The following AXIN1 variants were observed in gnomAD, a reference collection of about 807,000 sequenced individuals.
The protein encoded by AXIN1 is axin 1, also known as axin-1.
AXIN1 carries 30 observed loss-of-function variants against 76.4 expected under a neutral mutation model. The observed-to-expected ratio is 0.39, with a 90% CI of 0.29 to 0.53. AXIN1 has a LOEUF of 0.53. Ranked by LOEUF, AXIN1 falls within the 20% of genes least tolerant of loss-of-function variation. The probability of loss-of-function intolerance (pLI) is 0.66; values close to 1 mark genes in which losing one functional copy is unlikely to be tolerated. For missense variants in AXIN1, 1,140 were observed against 1,198.8 expected (o/e 0.95, Z 0.72); for synonymous variants, 545 against 501.4 (o/e 1.09, Z -1.16).
intron 2 of AXIN1, among the ~76,000 whole-genome samples, chr16:344,440 A>AT (rs1432489167): frequency 6.6e-6 from 1 of 151,212 alleles, no homozygotes; most frequent in Admixed American, 6.6e-5. Context: ...AAAAAAAAAA[A>AT]AAAAATTAAC....
At chr16:303,191 A>G (rs2052920712) in intron 5 of AXIN1, among the ~76,000 whole-genome samples, 1 of 152,020 alleles carries the variant, frequency 6.6e-6, no homozygotes, top group Non-Finnish European at 1.5e-5. Flanking sequence ...TGAGACGACC[A>G]GGTGGGAAGG....
chr16:322,562 C>T (rs562376543), intron 2 of AXIN1, among the ~76,000 whole-genome samples: 157 of 152,318 alleles, frequency 1.0e-3, no homozygotes, highest in African/African-American at 3.8e-3. Flanking sequence ...ATCCTCCTCT[C>T]CAAAGCAAGT....
At chr16:314,450 C>G (rs2141591344) in intron 3 of AXIN1, 93 bp downstream of exon 3, 3 of 1,579,612 alleles carry the variant, frequency 1.9e-6, no homozygotes, top group Non-Finnish European at 2.6e-6. Flanking sequence ...TGGGGCAGGA[C>G]TTACACATTG....
intron 2 of AXIN1, among the ~76,000 whole-genome samples, chr16:323,236 G>T (rs1339632763): frequency 6.7e-6 from 1 of 150,218 alleles, no homozygotes; most frequent in Admixed American, 6.6e-5. Context: ...TCAGGAGATC[G>T]AGACCCTCCT....
chr16:304,481 T>C lies in AXIN1; in HGVS notation c.1117-40A>G, dbSNP rs1597017102. On this transcript the variant is annotated intron_variant, in intron 4 of 10. Coordinates refer to ENST00000262320, the MANE Select transcript of AXIN1 (RefSeq NM_003502.4). ...ACTGTGAGGCACGGGGGTTGAAAGG[T>C]CACAGGCTAAACATTTCTTTGTGAA... 8.1e-6 allele frequency: 13 copies of C among 1,612,058 alleles called. No homozygotes were observed. In the East Asian group the frequency reaches 2.9e-4, roughly 36 times the overall value.
intron 9 of AXIN1, 144 bp downstream of exon 9, chr16:291,046 G>A: frequency 2.6e-6 from 2 of 767,210 alleles, no homozygotes. Flanking sequence ...CGAGTCTGAT[G>A]CCACGGGACC....
At chr16:295,690 G>A (rs1434407690) in intron 7 of AXIN1, among the ~76,000 whole-genome samples, 1 of 152,154 alleles carries the variant, frequency 6.6e-6, no homozygotes, top group African/African-American at 2.4e-5. Flanking sequence ...GGCCGGGCAC[G>A]GTGGCTCACG....
chr16:326,394 T>TATATATATATATATATACAC (rs144093618), intron 2 of AXIN1, among the ~76,000 whole-genome samples: 1 of 119,660 alleles, frequency 8.4e-6, no homozygotes, highest in Non-Finnish European at 1.7e-5. Flanking sequence ...TATATATATA[T>TATATATATATATATATACAC]ACACACCTAT....
intron 1 of AXIN1, 98 bp from the exon 2 acceptor site, chr16:347,204 G>T: frequency 1.9e-6 from 2 of 1,052,210 alleles, no homozygotes; most frequent in Non-Finnish European, 2.7e-6. Flanking sequence ...ACGCCCTCCC[G>T]CTCAAACTCA....
chr16:295,839 C>T (rs561590964), intron 7 of AXIN1, among the ~76,000 whole-genome samples: 11 of 152,202 alleles, frequency 7.2e-5, no homozygotes, highest in East Asian at 1.9e-4. Flanking sequence ...TGGTGGCTCA[C>T]GCCTGTAATC....
chr16:328,569 G>C (rs1218846988), intron 2 of AXIN1, among the ~76,000 whole-genome samples: 1 of 151,328 alleles, frequency 6.6e-6, no homozygotes, highest in Non-Finnish European at 1.5e-5. Flanking sequence ...GGTGGCACAT[G>C]TCTGTAATCC....
In AXIN1 at chr16:346,433, T is replaced by C. The variant is rs2054036169; in HGVS notation, c.593A>G (p.Tyr198Cys). The change falls in exon 2 of 11, where the codon TAT becomes TGT. Residue 198 changes from tyrosine to cysteine, a missense_variant. Physicochemically the swap from Tyr to Cys is radical, Grantham distance 194 (BLOSUM62 -2). This residue lies in a region of AXIN1 where 708 missense variants were observed against 776.9 expected (regional missense o/e 0.91). Transcript: ENST00000262320. ...EIQATMEENT[Y>C]PSFLKSDIYL... The stretch of plus-strand genomic sequence containing the variant: ...AATATCAGACTTAAGGAAGGAGGGA[T>C]AGGTGTTTTCCTCCATAGTGGCCTG... 1 of 1,614,172 alleles carries C rather than the reference T, an allele frequency of 6.2e-7. No homozygotes were observed. Among genetic ancestry groups the C allele is most frequent in the Non-Finnish European group, 8.5e-7 (1 of 1,180,040 alleles).
At chr16:345,991 C>T (rs2054025378) in intron 2 of AXIN1, among the ~76,000 whole-genome samples, 157 bp downstream of exon 2, 1 of 152,174 alleles carries the variant, frequency 6.6e-6, no homozygotes, top group South Asian at 2.1e-4. Context: ...ATGACAAATG[C>T]AAAAGTATCA....
At chr16:316,008 G>A (rs997354026) in intron 2 of AXIN1, among the ~76,000 whole-genome samples, 10 of 150,032 alleles carry the variant, frequency 6.7e-5, no homozygotes, top group African/African-American at 2.0e-4. Context: ...AGCTGAGATC[G>A]CAGCACTGCA....
At chr16:289,703 G>A in intron 9 of AXIN1, 96 bp from the exon 10 acceptor site, 1 of 1,500,422 alleles carries the variant, frequency 6.7e-7, no homozygotes, top group Middle Eastern at 1.9e-4. Context: ...AGGCGGGGCA[G>A]GCCTGCAGGG....
intron 2 of AXIN1, 110 bp from the exon 3 acceptor site, chr16:314,793 G>A: frequency 6.7e-7 from 1 of 1,482,102 alleles, no homozygotes; most frequent in Non-Finnish European, 9.1e-7. Flanking sequence ...AAAAACACAA[G>A]CAATTTGGAG....
intron 3 of AXIN1, among the ~76,000 whole-genome samples, chr16:311,752 C>T (rs1193863698): frequency 2.6e-5 from 4 of 152,078 alleles, no homozygotes; most frequent in African/African-American, 9.7e-5. Flanking sequence ...GTCTGGGCAA[C>T]AGAGCAAGAC....
At chr16:294,732 G>A (rs779563283) in intron 7 of AXIN1, among the ~76,000 whole-genome samples, 66 of 119,036 alleles carry the variant, frequency 5.5e-4, no homozygotes, top group Non-Finnish European at 9.5e-4. Context: ...TCCAGCCTGA[G>A]CCACAGGAGC....
chr16:311,363 A>T (rs1348046352), intron 3 of AXIN1, among the ~76,000 whole-genome samples: 1 of 152,066 alleles, frequency 6.6e-6, no homozygotes, highest in Non-Finnish European at 1.5e-5. Flanking sequence ...CCTTTAGAAG[A>T]TCATTAAAAC....
Sources: allele counts gnomAD v4.1 joint callset (sites outside exome capture counted in the v4.1 genomes callset), GRCh38; gene constraint gnomAD v4.1.1; regional missense constraint gnomAD v4.1.1; transcripts MANE v1.5; gene names NCBI Gene and HGNC (gene_info 2026-07-23, HGNC 2026-07-21).